TEX11: variants seen among roughly 807,000 people sequenced by gnomAD.
TEX11 encodes the protein testis-expressed protein 11.
In TEX11, 7 loss-of-function variants were observed where a neutral mutation model predicts 84.4. That is an observed-to-expected ratio of 0.08 (90% CI 0.05 to 0.16). The LOEUF (loss-of-function observed/expected upper bound fraction) is 0.16. TEX11 is among the 10% of genes least tolerant of loss of function. The pLI is 1.00. For synonymous variants in TEX11, 264 were observed against 222.8 expected (o/e 1.18, Z -1.64); for missense variants, 551 against 660.5 (o/e 0.83, Z 1.82).
chrX:70,610,629 G>T lies in TEX11; in HGVS notation c.1752-86C>A, dbSNP rs1272174509. The T allele has an allele frequency of 6.2e-6, 6 of 964,074 alleles. No individual in the cohort carries two copies. In the African/African-American group the frequency reaches 1.2e-4, roughly 19 times the overall value. 79.5% of individuals were successfully genotyped at this position (964,074 alleles called of 1,213,427 possible). ...AAAAAGGGACACTATTTGTGCCTGA[G>T]AATTGAACTAAGAAAATGCAAAATT... On this transcript the variant is annotated intron_variant, in intron 20 of 29. Transcript: ENST00000374333.
intron 2 of TEX11, among the ~76,000 whole-genome samples, chrX:70,890,457 A>G (rs1386798746): frequency 8.9e-6 from 1 of 112,064 alleles, no homozygotes; most frequent in Non-Finnish European, 1.9e-5. Flanking sequence ...TAGCCAAGGG[A>G]AGCCATGACA....
chrX:70,721,825 A>G (rs1295748603), intron 13 of TEX11, among the ~76,000 whole-genome samples: 10 of 112,165 alleles, frequency 8.9e-5, no homozygotes, highest in Non-Finnish European at 1.9e-5. Context: ...TTAACCTGTA[A>G]GAAAAGTTTG....
intron 7 of TEX11, among the ~76,000 whole-genome samples, chrX:70,842,476 A>G (rs2091452306): frequency 1.8e-5 from 2 of 111,718 alleles, no homozygotes; most frequent in African/African-American, 6.5e-5. Flanking sequence ...TTCATGGGAC[A>G]TATCTCCAAA....
intron 4 of TEX11, among the ~76,000 whole-genome samples, chrX:70,862,670 G>C (rs1477160580): frequency 9.2e-6 from 1 of 108,466 alleles, no homozygotes; most frequent in East Asian, 2.9e-4. Context: ...TTAAGAGGCT[G>C]AGGTGGGTAA....
intron 16 of TEX11, among the ~76,000 whole-genome samples, chrX:70,660,407 T>C (rs2089913338): frequency 8.9e-6 from 1 of 112,886 alleles, no homozygotes; most frequent in Admixed American, 9.3e-5. Context: ...AATACAAACA[T>C]TGTACAGTTG....
chrX:70,785,676 C>G lies in TEX11; in HGVS notation c.692+21029G>C, dbSNP rs918229419. On this transcript the variant is annotated intron_variant, in intron 9 of 29. Transcript: ENST00000374333. ...GGGTGAAGGATATGAACAGACACTT[C>G]TCAAAAGAAAACATTTATGCAGCCA... Among the ~76,000 whole-genome samples the G allele has an allele frequency of 3.6e-5, 4 of 112,257 alleles. 1 individual carries two copies. The South Asian group carries it at 1.5e-3, about 41-fold the overall frequency.
At chrX:70,672,687 G>T (rs1038528616) in intron 15 of TEX11, among the ~76,000 whole-genome samples, 53 of 111,395 alleles carry the variant, frequency 4.8e-4, no homozygotes, top group Non-Finnish European at 1.1e-4. Flanking sequence ...TTTTTGAATT[G>T]TTTTTCTTTG....
intron 11 of TEX11, among the ~76,000 whole-genome samples, chrX:70,729,988 G>C (rs368555344): frequency 8.9e-6 from 1 of 112,308 alleles, no homozygotes; most frequent in Non-Finnish European, 1.9e-5. Context: ...AGCCAGAAGA[G>C]AGTGGGGGCC....
intron 17 of TEX11, among the ~76,000 whole-genome samples, chrX:70,645,325 A>G (rs950679056): frequency 9.0e-6 from 1 of 111,102 alleles, no homozygotes; most frequent in Admixed American, 9.6e-5. Context: ...TATATGACCA[A>G]TGGACAAATA....
chrX:70,696,685 C>A (rs2090283454), intron 13 of TEX11, among the ~76,000 whole-genome samples: 1 of 111,537 alleles, frequency 9.0e-6, no homozygotes, highest in Admixed American at 9.5e-5. Flanking sequence ...GGAAGGGTCA[C>A]CTGAGCCCAG....
chrX:70,670,279 C>G, intron 16 of TEX11, 98 bp downstream of exon 16: 3 of 982,216 alleles, frequency 3.1e-6, no homozygotes, highest in Middle Eastern at 2.7e-4. Flanking sequence ...TCTCAGACAT[C>G]CTAAACTAAC....
In TEX11 at chrX:70,731,056, G is replaced by C. The variant is rs764945673; in HGVS notation, c.844-5713C>G. On this transcript the variant is annotated intron_variant, in intron 11 of 29. Coordinates refer to ENST00000374333, the MANE Select transcript of TEX11 (RefSeq NM_031276.3). ...AACAACCTGCTCCTGAATGACTACT[G>C]GGTACATAACAAAATAAAGACAGAA... Among the ~76,000 whole-genome samples, 6 of 111,743 alleles carry C rather than the reference G, an allele frequency of 5.4e-5. No individual in the cohort carries two copies. In the East Asian group the frequency reaches 8.4e-4, roughly 16 times the overall value.
intron 17 of TEX11, among the ~76,000 whole-genome samples, chrX:70,639,336 T>C (rs1006571759): frequency 2.1e-4 from 23 of 111,483 alleles, no homozygotes; most frequent in African/African-American, 6.5e-4. Flanking sequence ...GCAGTGAGGC[T>C]GGGGGAGGGG....
intron 8 of TEX11, among the ~76,000 whole-genome samples, chrX:70,817,543 G>A (rs59437458): frequency 0.055 from 6,105 of 110,934 alleles, 353 homozygotes; most frequent in South Asian, 0.16. Context: ...AATTAGCCGG[G>A]CGTGGTGGGA....
Position 70,554,642 on chromosome X carries a change from A to G in TEX11, c.2290+9T>C, listed in dbSNP as rs2088262755. 4 of 1,188,674 alleles carry G rather than the reference A, an allele frequency of 3.4e-6. No homozygotes were observed. The African/African-American group carries it at 7.1e-5, about 21-fold the overall frequency. ...ACCAGCCTTACAAAAGCATAAATAT[A>G]GCTCTTACTTGCAATTGTTTCAAAA... On this transcript the variant is annotated intron_variant, in intron 26 of 29. Transcript: ENST00000374333.
chrX:70,777,045 T>G (rs2091006290), intron 9 of TEX11, among the ~76,000 whole-genome samples: 1 of 107,339 alleles, frequency 9.3e-6, no homozygotes, highest in Admixed American at 1.0e-4. Flanking sequence ...ATTATTATTA[T>G]TATTTTTTTT....
chrX:70,850,360 T>C (rs911161418), intron 7 of TEX11, among the ~76,000 whole-genome samples: 1 of 111,781 alleles, frequency 8.9e-6, no homozygotes, highest in Non-Finnish European at 1.9e-5. Context: ...GGACACTATG[T>C]ATCTATTAAC....
chrX:70,565,902 C>T (rs1441262171), intron 25 of TEX11, among the ~76,000 whole-genome samples: 3 of 110,509 alleles, frequency 2.7e-5, no homozygotes, highest in East Asian at 5.7e-4. Context: ...TTTTTGGTTC[C>T]ATATGAACTT....
At chrX:70,555,078 T>C (rs1295817245) in intron 25 of TEX11, among the ~76,000 whole-genome samples, 4 of 112,049 alleles carry the variant, frequency 3.6e-5, no homozygotes, top group Non-Finnish European at 7.5e-5. Flanking sequence ...CCACGATGCT[T>C]CTAAACAGCC....
Sources: gnomAD v4.1 joint callset for allele counts (sites outside exome capture counted in the v4.1 genomes callset) on GRCh38, gnomAD v4.1.1 for gene constraint, MANE v1.5 for transcripts, NCBI Gene and HGNC (gene_info 2026-07-23, HGNC 2026-07-21) for gene names.